The following EYS variants were observed in gnomAD, a reference collection of about 807,000 sequenced individuals.
EYS encodes protein eyes shut homolog.
EYS carries 250 observed loss-of-function variants against 282.1 expected under a neutral mutation model. The ratio of observed to expected loss-of-function variants is 0.89; its 90% CI spans 0.80 to 0.98. The LOEUF (loss-of-function observed/expected upper bound fraction) is 0.98, where lower values mean the gene tolerates loss of function less well. Ranked by LOEUF, EYS falls within the 50% of genes least tolerant of loss-of-function variation. EYS has a pLI of 0.00. For synonymous variants in EYS, 1,355 were observed against 1,282.9 expected (o/e 1.06, Z -1.20); for missense variants, 4,016 against 3,709.0 (o/e 1.08, Z -2.15).
At chr6:64,581,031 A>G (rs1035758777) in intron 26 of EYS, among the ~76,000 whole-genome samples, 2 of 152,270 alleles carry the variant, frequency 1.3e-5, no homozygotes, top group Non-Finnish European at 1.5e-5. Context: ...TAAAGTATTG[A>G]GAGACTTACA....
chr6:64,471,797 C>G (rs935937365), intron 26 of EYS, among the ~76,000 whole-genome samples: 1 of 152,080 alleles, frequency 6.6e-6, no homozygotes. Flanking sequence ...GCAAAAAGAA[C>G]AAAGCTGGAA....
At chr6:65,526,657 T>C (rs550158891) in intron 2 of EYS, among the ~76,000 whole-genome samples, 8 of 151,954 alleles carry the variant, frequency 5.3e-5, no homozygotes, top group African/African-American at 1.9e-4. Flanking sequence ...ATACAAAAAA[T>C]TACCTGGGCG....
At chr6:65,528,863 T>C (rs1379861552) in intron 2 of EYS, among the ~76,000 whole-genome samples, 1 of 152,210 alleles carries the variant, frequency 6.6e-6, no homozygotes. Context: ...TAATTAAAGA[T>C]TCAGACCCTT....
intron 2 of EYS, among the ~76,000 whole-genome samples, chr6:65,616,535 C>T (rs189835532): frequency 1.6e-3 from 242 of 152,210 alleles, no homozygotes; most frequent in African/African-American, 5.6e-3. Flanking sequence ...CACCTGTAAT[C>T]CTAGCACTTT....
chr6:63,769,519 C>T (rs796772290), intron 40 of EYS, among the ~76,000 whole-genome samples: 10 of 152,090 alleles, frequency 6.6e-5, no homozygotes, highest in African/African-American at 2.2e-4. Flanking sequence ...ATTGTCAGTA[C>T]AAGGAAAAAT....
At chr6:64,011,295 C>T (rs541497468) in intron 33 of EYS, among the ~76,000 whole-genome samples, 29 of 152,212 alleles carry the variant, frequency 1.9e-4, no homozygotes, top group African/African-American at 6.5e-4. Flanking sequence ...CGAAATCCCC[C>T]ATTTTCTTTT....
intron 12 of EYS, among the ~76,000 whole-genome samples, chr6:65,222,659 A>C: frequency 6.6e-6 from 1 of 152,230 alleles, no homozygotes; most frequent in East Asian, 1.9e-4. Flanking sequence ...TGAAAGTTTT[A>C]CAAGGATGCA....
intron 12 of EYS, among the ~76,000 whole-genome samples, chr6:65,285,605 T>G (rs1426212539): frequency 6.6e-6 from 1 of 151,992 alleles, no homozygotes; most frequent in Non-Finnish European, 1.5e-5. Flanking sequence ...CAGCAGCTTT[T>G]GGAGGCTGTT....
chr6:65,311,685 C>G (rs543257997), intron 11 of EYS, among the ~76,000 whole-genome samples: 12 of 152,298 alleles, frequency 7.9e-5, no homozygotes, highest in African/African-American at 2.9e-4. Context: ...GTAATGATAA[C>G]TGTCAGGGCC....
At chr6:63,997,362 G>A (rs535650004) in intron 34 of EYS, among the ~76,000 whole-genome samples, 4 of 152,212 alleles carry the variant, frequency 2.6e-5, no homozygotes, top group African/African-American at 9.6e-5. Context: ...GTGTCTGAGA[G>A]AATCTCACCA....
intron 41 of EYS, among the ~76,000 whole-genome samples, chr6:63,739,519 C>T (rs753337086): frequency 2.0e-5 from 3 of 152,088 alleles, no homozygotes; most frequent in East Asian, 1.9e-4. Flanking sequence ...CTTCAGTCCT[C>T]GTGAGGGACT....
chr6:64,115,620 G>C (rs573257470), intron 31 of EYS, among the ~76,000 whole-genome samples: 3 of 152,184 alleles, frequency 2.0e-5, no homozygotes, highest in South Asian at 2.1e-4. Context: ...TCTTTACAAC[G>C]ACACCCTCAC....
intron 12 of EYS, among the ~76,000 whole-genome samples, chr6:65,140,983 C>T (rs1764322784): frequency 6.6e-6 from 1 of 151,624 alleles, no homozygotes; most frequent in African/African-American, 2.4e-5. Context: ...CCAGCCATCC[C>T]ATTACTGGGT....
intron 36 of EYS, among the ~76,000 whole-genome samples, chr6:63,830,311 A>G (rs962312594): frequency 6.6e-6 from 1 of 152,228 alleles, no homozygotes; most frequent in African/African-American, 2.4e-5. Context: ...CAAAAAAGTT[A>G]AAAACCTTGA....
At chr6:64,165,301 A>G (rs545080596) in intron 31 of EYS, among the ~76,000 whole-genome samples, 2 of 152,118 alleles carry the variant, frequency 1.3e-5, no homozygotes, top group African/African-American at 2.4e-5. Context: ...ATTGCAGTAT[A>G]GTATAGTAAT....
intron 13 of EYS, among the ~76,000 whole-genome samples, chr6:65,035,775 T>A (rs1461856393): frequency 6.6e-6 from 1 of 151,754 alleles, no homozygotes; most frequent in Non-Finnish European, 1.5e-5. Context: ...CAGATTCCAA[T>A]GCTCTGTCAA....
At chr6:63,906,897 A>G (rs942420111) in intron 35 of EYS, among the ~76,000 whole-genome samples, 3 of 151,840 alleles carry the variant, frequency 2.0e-5, no homozygotes, top group Non-Finnish European at 4.4e-5. Context: ...GGGTCAGTTA[A>G]GAAAAAAAAA....
chr6:65,558,323 G>T (rs1439641182), intron 2 of EYS, among the ~76,000 whole-genome samples: 2 of 152,242 alleles, frequency 1.3e-5, no homozygotes, highest in Non-Finnish European at 2.9e-5. Context: ...AGCCTTGAGT[G>T]TGTGCACAGC....
intron 31 of EYS, among the ~76,000 whole-genome samples, chr6:64,148,748 C>A (rs1003645159): frequency 2.6e-5 from 4 of 152,024 alleles, no homozygotes; most frequent in African/African-American, 7.2e-5. Flanking sequence ...AAAATTATAG[C>A]AGTAAAACTC....
Sources: allele counts gnomAD v4.1 joint callset (sites outside exome capture counted in the v4.1 genomes callset), GRCh38; gene constraint gnomAD v4.1.1; transcripts MANE v1.5; gene names NCBI Gene and HGNC (gene_info 2026-07-23, HGNC 2026-07-21).